SGMS1: variants seen among roughly 807,000 people sequenced by gnomAD.
SGMS1 encodes sphingomyelin synthase 1.
A neutral mutation model predicts 46.2 loss-of-function variants in SGMS1; 13 were observed. That is an observed-to-expected ratio of 0.28 (90% CI 0.18 to 0.45). The LOEUF (loss-of-function observed/expected upper bound fraction) is 0.45, where lower values mean the gene tolerates loss of function less well. SGMS1 is among the 20% of genes least tolerant of loss of function. SGMS1 has a pLI of 1.00. For synonymous variants in SGMS1, 203 were observed against 187.8 expected (o/e 1.08, Z -0.66); for missense variants, 324 against 519.9 (o/e 0.62, Z 3.66).
chr10:50,465,405 C>G (rs1221019530), intron 4 of SGMS1, among the ~76,000 whole-genome samples: 2 of 151,640 alleles, frequency 1.3e-5, no homozygotes, highest in East Asian at 3.9e-4. Context: ...CAAAAAACAG[C>G]AAAATAATTC....
chr10:50,322,806 T>G (rs978334473), intron 8 of SGMS1, among the ~76,000 whole-genome samples: 1 of 126,986 alleles, frequency 7.9e-6, no homozygotes, highest in African/African-American at 3.1e-5. Flanking sequence ...CAGTCCGCAG[T>G]CCGGCCTGGG....
At chr10:50,361,678 T>G (rs1020455772) in intron 6 of SGMS1, among the ~76,000 whole-genome samples, 5 of 152,164 alleles carry the variant, frequency 3.3e-5, no homozygotes, top group African/African-American at 1.2e-4. Context: ...CTGTTCCCTT[T>G]TCCCTATTCC....
intron 3 of SGMS1, among the ~76,000 whole-genome samples, chr10:50,474,954 C>T (rs911469121): frequency 2.6e-5 from 4 of 152,078 alleles, no homozygotes; most frequent in African/African-American, 9.7e-5. Context: ...ATTAAAAGAG[C>T]ATTTATCTCA....
At chr10:50,475,156 T>C (rs1837409114) in intron 3 of SGMS1, among the ~76,000 whole-genome samples, 1 of 152,194 alleles carries the variant, frequency 6.6e-6, no homozygotes, top group African/African-American at 2.4e-5. Flanking sequence ...AAATAATTCT[T>C]GTCCATAGCA....
intron 2 of SGMS1, among the ~76,000 whole-genome samples, chr10:50,587,358 G>A (rs534347268): frequency 7.9e-5 from 12 of 152,332 alleles, no homozygotes; most frequent in African/African-American, 2.4e-4. Flanking sequence ...TCATTGGCCG[G>A]GCGTGGCAGC....
At chr10:50,334,531 G>A (rs1288232264) in intron 7 of SGMS1, 5 of 152,140 alleles carry the variant, frequency 3.3e-5, no homozygotes, top group Non-Finnish European at 5.9e-5. Flanking sequence ...TGGGCTAAGG[G>A]ATTATCCTTA....
intron 6 of SGMS1, among the ~76,000 whole-genome samples, chr10:50,382,568 T>TACACACACACACACACACACACAC (rs57835243): frequency 1.3e-4 from 18 of 142,750 alleles, no homozygotes; most frequent in African/African-American, 4.2e-4. Flanking sequence ...AACACACACA[T>TACACACACACACACACACACACAC]ACACACACAC....
chr10:50,375,042 G>C (rs918082489), intron 6 of SGMS1, among the ~76,000 whole-genome samples: 1 of 152,114 alleles, frequency 6.6e-6, no homozygotes, highest in Non-Finnish European at 1.5e-5. Context: ...GAGGGAACAA[G>C]AAATTCTAGG....
chr10:50,488,728 C>A (rs1588850902), intron 3 of SGMS1, among the ~76,000 whole-genome samples: 1 of 152,170 alleles, frequency 6.6e-6, no homozygotes, highest in South Asian at 2.1e-4. Context: ...AATGGAAAAT[C>A]TTTGTCAACA....
chr10:50,607,626 G>A (rs1838709768), intron 1 of SGMS1, among the ~76,000 whole-genome samples: 2 of 152,186 alleles, frequency 1.3e-5, no homozygotes, highest in African/African-American at 4.8e-5. Flanking sequence ...AACTGGTTGT[G>A]TGAAGCAGCA....
At chr10:50,569,233 A>G (rs754917059) in intron 2 of SGMS1, among the ~76,000 whole-genome samples, 1 of 149,988 alleles carries the variant, frequency 6.7e-6, no homozygotes, top group Non-Finnish European at 1.5e-5. Flanking sequence ...GCAAACCACC[A>G]TGGCACGTGT....
chr10:50,471,345 T>C (rs1342626056), intron 3 of SGMS1, among the ~76,000 whole-genome samples: 1 of 152,124 alleles, frequency 6.6e-6, no homozygotes, highest in Non-Finnish European at 1.5e-5. Context: ...AGGAGCTCAG[T>C]TTAGCAAGGA....
At chr10:50,447,878 T>C (rs182041389) in intron 5 of SGMS1, among the ~76,000 whole-genome samples, 4 of 152,290 alleles carry the variant, frequency 2.6e-5, no homozygotes, top group Admixed American at 1.3e-4. Context: ...AATAATCCCA[T>C]GTGCAGCAAA....
intron 3 of SGMS1, among the ~76,000 whole-genome samples, chr10:50,515,668 TA>T (rs1175433124): frequency 1.3e-5 from 2 of 152,148 alleles, no homozygotes; most frequent in Non-Finnish European, 2.9e-5. Context: ...GCATCTCCAG[TA>T]CTACTCCATC....
At chr10:50,490,194 G>C in intron 3 of SGMS1, among the ~76,000 whole-genome samples, 1 of 152,078 alleles carries the variant, frequency 6.6e-6, no homozygotes, top group East Asian at 1.9e-4. Context: ...TGGATGAAAT[G>C]CTACTCTTAT....
At chr10:50,349,541 C>A (rs1847970100) in intron 6 of SGMS1, among the ~76,000 whole-genome samples, 1 of 67,110 alleles carries the variant, frequency 1.5e-5, no homozygotes, top group South Asian at 4.9e-4. Context: ...ACTGATATAG[C>A]TTGGCTGTGT....
intron 6 of SGMS1, among the ~76,000 whole-genome samples, chr10:50,424,418 T>TAA (rs112261514): frequency 2.0e-5 from 3 of 152,128 alleles, no homozygotes; most frequent in South Asian, 2.1e-4. Context: ...TTTTGCCTGT[T>TAA]AAAAAAAGAA....
chr10:50,327,326 G>T lies in SGMS1; in HGVS notation c.624-4C>A. On this transcript the variant is annotated splice_region_variant and splice_polypyrimidine_tract_variant and intron_variant, in intron 7 of 10. Coordinates refer to ENST00000361781, the MANE Select transcript of SGMS1 (RefSeq NM_147156.4). ...AAATCTTCTGCTAATAATAGACCTAGAAAAAGGGAAAAACAGGGCAGATTC... is the reference window on the plus strand; with the variant it reads ...AAATCTTCTGCTAATAATAGACCTATAAAAAGGGAAAAACAGGGCAGATTC... 1 of 1,508,222 alleles carries T rather than the reference G, an allele frequency of 6.6e-7. No individual in the cohort carries two copies. The highest frequency in any genetic ancestry group is 1.2e-5 in the South Asian group (1 of 85,248). The allele number at this position is 1,508,222 out of a possible 1,614,324, so 93.4% of individuals were successfully genotyped here.
chr10:50,541,923 C>G (rs1276290685), intron 2 of SGMS1, among the ~76,000 whole-genome samples: 1 of 152,170 alleles, frequency 6.6e-6, no homozygotes, highest in Non-Finnish European at 1.5e-5. Flanking sequence ...CTTCGAGGAG[C>G]ATGTTTGATT....
Sources: allele counts gnomAD v4.1 joint callset (sites outside exome capture counted in the v4.1 genomes callset), GRCh38; gene constraint gnomAD v4.1.1; transcripts MANE v1.5; gene names NCBI Gene and HGNC (gene_info 2026-07-23, HGNC 2026-07-21).